The following ULK4 variants were observed in gnomAD, a reference collection of about 807,000 sequenced individuals.
ULK4 encodes inactive serine/threonine-protein kinase ULK4.
ULK4 carries 133 observed loss-of-function variants against 160.6 expected under a neutral mutation model. That is an observed-to-expected ratio of 0.83 (90% CI 0.72 to 0.96). The LOEUF (loss-of-function observed/expected upper bound fraction) is 0.96. Ranked by LOEUF, ULK4 falls within the 40% of genes least tolerant of loss-of-function variation. The pLI is 0.00. For missense variants in ULK4, 1,580 were observed against 1,499.5 expected (o/e 1.05, Z -0.89); for synonymous variants, 534 against 539.8 (o/e 0.99, Z 0.15).
chr3:41,644,730 C>T (rs9683351), intron 30 of ULK4, among the ~76,000 whole-genome samples: 27,702 of 148,822 alleles, frequency 0.19, 2,071 homozygotes, highest in African/African-American at 0.23. Flanking sequence ...GGAGGATTCC[C>T]TCTTTTTCTA....
chr3:41,693,191 C>T (rs2036369884), intron 27 of ULK4, among the ~76,000 whole-genome samples: 1 of 152,140 alleles, frequency 6.6e-6, no homozygotes, highest in African/African-American at 2.4e-5. Context: ...ATTGGGAAGA[C>T]TGTGTCGAAA....
chr3:41,736,553 T>C (rs2038056458), intron 22 of ULK4, among the ~76,000 whole-genome samples: 1 of 152,002 alleles, frequency 6.6e-6, no homozygotes, highest in South Asian at 2.1e-4. Context: ...GGTTTTTCCT[T>C]GTAAACTTGT....
chr3:41,791,392 A>T (rs1385531715), intron 20 of ULK4, among the ~76,000 whole-genome samples: 1 of 152,218 alleles, frequency 6.6e-6, no homozygotes, highest in African/African-American at 2.4e-5. Flanking sequence ...GGCTTCCCAA[A>T]GTGCTGGGAT....
chr3:41,260,345 G>A (rs1270848699), intron 35 of ULK4, among the ~76,000 whole-genome samples: 1 of 152,180 alleles, frequency 6.6e-6, no homozygotes, highest in South Asian at 2.1e-4. Context: ...GCTGCTGCCA[G>A]GGTCTCACCT....
At chr3:41,388,250 G>A (rs1575499858) in intron 35 of ULK4, among the ~76,000 whole-genome samples, 2 of 152,088 alleles carry the variant, frequency 1.3e-5, no homozygotes, top group East Asian at 3.9e-4. Flanking sequence ...ATTTGTTTGA[G>A]TTCATTGTAG....
intron 30 of ULK4, among the ~76,000 whole-genome samples, chr3:41,641,371 T>G (rs980187073): frequency 1.4e-4 from 22 of 152,236 alleles, no homozygotes; most frequent in African/African-American, 5.1e-4. Context: ...ACAAAAACTA[T>G]GAGAATCAAG....
At chr3:41,575,913 A>G (rs9851971) in intron 31 of ULK4, among the ~76,000 whole-genome samples, 50,698 of 152,254 alleles carry the variant, frequency 0.33, 8,770 homozygotes, top group African/African-American at 0.4. Flanking sequence ...CTCGAGGCAG[A>G]AGCAGTGGGC....
intron 23 of ULK4, among the ~76,000 whole-genome samples, chr3:41,716,218 A>ATAATAC (rs1467085668): frequency 2.5e-5 from 1 of 39,468 alleles, no homozygotes; most frequent in Non-Finnish European, 7.1e-5. Context: ...GTCTCACAAA[A>ATAATAC]TAATAATAAT....
chr3:41,642,019 G>A lies in ULK4; in HGVS notation c.3071+21588C>T, dbSNP rs11708857. On this transcript the variant is annotated intron_variant, in intron 30 of 36. Transcript: ENST00000301831. ...GCCTCCCAAGTAGCTGGAATTACAG[G>A]CACATGCAACCACGTCTAGCTAATT... 9.7e-3 allele frequency among the ~76,000 whole-genome samples: 1,474 copies of A among 151,932 alleles called. 7 individuals carry two copies. Among genetic ancestry groups the A allele is most frequent in the Non-Finnish European group, 0.015 (1,052 of 67,976 alleles).
intron 32 of ULK4, among the ~76,000 whole-genome samples, chr3:41,490,663 T>C (rs1038416468): frequency 2.0e-5 from 3 of 152,200 alleles, no homozygotes; most frequent in Non-Finnish European, 4.4e-5. Flanking sequence ...GCAAAACACA[T>C]TTTTAAAATA....
chr3:41,640,965 CCATT>C (rs2125716095), intron 30 of ULK4, among the ~76,000 whole-genome samples: 2 of 152,298 alleles, frequency 1.3e-5, no homozygotes, highest in African/African-American at 4.8e-5. Context: ...TCCTTCATTC[CCATT>C]CATTGTTTGA....
chr3:41,524,198 G>A (rs1006908715), intron 32 of ULK4, among the ~76,000 whole-genome samples: 1 of 152,296 alleles, frequency 6.6e-6, no homozygotes, highest in South Asian at 2.1e-4. Context: ...AATTTATTGT[G>A]TCATGAATAC....
chr3:41,902,496 T>C (rs1253197873), intron 12 of ULK4, among the ~76,000 whole-genome samples: 1 of 150,230 alleles, frequency 6.7e-6, no homozygotes, highest in Non-Finnish European at 1.5e-5. Flanking sequence ...GAGAATCGCT[T>C]GAACCTGGGA....
chr3:41,737,383 G>A (rs1347758955), intron 22 of ULK4, among the ~76,000 whole-genome samples: 1 of 151,816 alleles, frequency 6.6e-6, no homozygotes, highest in African/African-American at 2.4e-5. Flanking sequence ...ACAAATGGAA[G>A]AACATTCCAT....
At chr3:41,506,490 C>T (rs963018136) in intron 32 of ULK4, among the ~76,000 whole-genome samples, 1 of 152,036 alleles carries the variant, frequency 6.6e-6, no homozygotes, top group African/African-American at 2.4e-5. Context: ...ACAGTAGAAG[C>T]TGTGTAGAAA....
intron 31 of ULK4, among the ~76,000 whole-genome samples, chr3:41,585,410 T>C (rs1054991009): frequency 6.6e-6 from 1 of 152,060 alleles, no homozygotes; most frequent in South Asian, 2.1e-4. Context: ...GCTCACACAA[T>C]GGGAAAATGA....
intron 21 of ULK4, among the ~76,000 whole-genome samples, chr3:41,777,801 T>C (rs895643283): frequency 7.2e-6 from 1 of 139,464 alleles, no homozygotes; most frequent in Non-Finnish European, 1.6e-5. Flanking sequence ...TTTGTTATAA[T>C]TTCTGTTCTT....
intron 32 of ULK4, among the ~76,000 whole-genome samples, chr3:41,534,593 T>C (rs900611171): frequency 1.3e-5 from 2 of 152,008 alleles, no homozygotes; most frequent in Admixed American, 1.3e-4. Flanking sequence ...AGTATTTCTG[T>C]AGTTTGTGGC....
intron 32 of ULK4, among the ~76,000 whole-genome samples, chr3:41,539,070 GGTTT>G (rs1369870113): frequency 7.0e-6 from 1 of 142,506 alleles, no homozygotes; most frequent in East Asian, 2.0e-4. Flanking sequence ...TAGGCTATAT[GGTTT>G]GTCTGTGAGT....
Sources: allele counts gnomAD v4.1 joint callset (sites outside exome capture counted in the v4.1 genomes callset), GRCh38; gene constraint gnomAD v4.1.1; transcripts MANE v1.5; gene names NCBI Gene and HGNC (gene_info 2026-07-23, HGNC 2026-07-21).